Variants in LRMDA observed in about 807,000 individuals in gnomAD.
LRMDA encodes the protein leucine rich melanocyte differentiation associated.
A neutral mutation model predicts 29.8 loss-of-function variants in LRMDA; 18 were observed. The observed-to-expected ratio is 0.60, with a 90% CI of 0.42 to 0.90. LRMDA has a LOEUF of 0.90. Among genes scored for constraint, LRMDA ranks in the 40% least tolerant of loss-of-function variants. LRMDA has a pLI of 0.00. For missense variants in LRMDA, 273 were observed against 273.9 expected (o/e 1.00, Z 0.02); for synonymous variants, 125 against 109.4 (o/e 1.14, Z -0.89).
chr10:75,726,874 A>G (rs1454572547), intron 2 of LRMDA, among the ~76,000 whole-genome samples: 1 of 152,172 alleles, frequency 6.6e-6, no homozygotes, highest in Non-Finnish European at 1.5e-5. Flanking sequence ...TACACTCATG[A>G]TCATTCTTCC....
At chr10:75,728,819 T>G (rs1475417955) in intron 2 of LRMDA, among the ~76,000 whole-genome samples, 3 of 151,624 alleles carry the variant, frequency 2.0e-5, no homozygotes, top group African/African-American at 7.3e-5. Flanking sequence ...GGGGGTTGAG[T>G]GTATACTTTT....
At chr10:75,626,016 T>C (rs1841245195) in intron 2 of LRMDA, among the ~76,000 whole-genome samples, 1 of 151,430 alleles carries the variant, frequency 6.6e-6, no homozygotes, top group South Asian at 2.1e-4. Context: ...CATGCCTGGC[T>C]ATTTTTTTTT....
chr10:75,521,960 A>G (rs1845366299), intron 2 of LRMDA, among the ~76,000 whole-genome samples: 1 of 152,238 alleles, frequency 6.6e-6, no homozygotes, highest in South Asian at 2.1e-4. Context: ...CTTAGAATAA[A>G]TGAGTAGAGA....
intron 5 of LRMDA, among the ~76,000 whole-genome samples, chr10:76,108,352 G>A (rs1849521865): frequency 6.6e-6 from 1 of 152,138 alleles, no homozygotes; most frequent in South Asian, 2.1e-4. Context: ...GGATTGTGGA[G>A]GGACTTCATA....
At chr10:75,713,526 T>G (rs1363435273) in intron 2 of LRMDA, among the ~76,000 whole-genome samples, 2 of 152,236 alleles carry the variant, frequency 1.3e-5, no homozygotes, top group Non-Finnish European at 2.9e-5. Flanking sequence ...AATTAGTGTT[T>G]TTAAAATTCC....
chr10:76,150,124 C>G (rs139139855), intron 5 of LRMDA, among the ~76,000 whole-genome samples: 1 of 152,300 alleles, frequency 6.6e-6, no homozygotes, highest in East Asian at 1.9e-4. Flanking sequence ...TGCCAACCAG[C>G]GGCAAACCCT....
intron 2 of LRMDA, among the ~76,000 whole-genome samples, chr10:75,484,578 T>A (rs3012060): frequency 0.9 from 136,767 of 152,234 alleles, 61,591 homozygotes; most frequent in African/African-American, 0.96. Flanking sequence ...CAAAATCCAT[T>A]TGTTGAAGCC....
chr10:75,635,059 A>T (rs186223940), intron 2 of LRMDA, among the ~76,000 whole-genome samples: 1 of 152,168 alleles, frequency 6.6e-6, no homozygotes, highest in Non-Finnish European at 1.5e-5. Flanking sequence ...TTTAAGAGAA[A>T]TGTGAGAAAT....
At chr10:76,067,999 G>A (rs1201559254) in intron 5 of LRMDA, among the ~76,000 whole-genome samples, 1 of 152,252 alleles carries the variant, frequency 6.6e-6, no homozygotes, top group Non-Finnish European at 1.5e-5. Context: ...CAAGAAGGGG[G>A]CAGGCAGAGG....
intron 2 of LRMDA, among the ~76,000 whole-genome samples, chr10:75,950,327 T>G (rs898412675): frequency 2.0e-5 from 3 of 152,228 alleles, no homozygotes; most frequent in Non-Finnish European, 4.4e-5. Flanking sequence ...TGCCTTCAGC[T>G]TCCCTGTCCT....
At chr10:75,882,211 T>C (rs887943772) in intron 2 of LRMDA, among the ~76,000 whole-genome samples, 1 of 152,142 alleles carries the variant, frequency 6.6e-6, no homozygotes, top group Non-Finnish European at 1.5e-5. Flanking sequence ...GGTCAGTTAA[T>C]GGAAGGCCTC....
At chr10:76,406,564 A>T (rs1307957030) in intron 6 of LRMDA, among the ~76,000 whole-genome samples, 3 of 152,168 alleles carry the variant, frequency 2.0e-5, no homozygotes, top group African/African-American at 7.2e-5. Context: ...CCTCCTGAAG[A>T]GGTGAAAAGG....
chr10:76,016,642 C>T (rs1265448315), intron 2 of LRMDA, among the ~76,000 whole-genome samples: 1 of 152,198 alleles, frequency 6.6e-6, no homozygotes, highest in African/African-American at 2.4e-5. Flanking sequence ...TATTCACTTA[C>T]CTCTAGGTTC....
intron 6 of LRMDA, among the ~76,000 whole-genome samples, chr10:76,537,328 T>A (rs1843302017): frequency 6.6e-6 from 1 of 152,220 alleles, no homozygotes; most frequent in South Asian, 2.1e-4. Flanking sequence ...ACACACACAG[T>A]CATATGTGTA....
At chr10:75,951,916 T>C (rs1305950525) in intron 2 of LRMDA, among the ~76,000 whole-genome samples, 2 of 152,216 alleles carry the variant, frequency 1.3e-5, no homozygotes, top group Admixed American at 6.5e-5. Flanking sequence ...GGAGGGACTT[T>C]CTGGGGGACG....
At chr10:76,151,895 AT>A (rs1401390794) in intron 5 of LRMDA, among the ~76,000 whole-genome samples, 1 of 152,174 alleles carries the variant, frequency 6.6e-6, no homozygotes, top group Non-Finnish European at 1.5e-5. Context: ...ATTACACTAT[AT>A]AGGACCTCCA....
chr10:75,539,228 A>AT (rs1444629570), intron 2 of LRMDA, among the ~76,000 whole-genome samples: 2 of 152,202 alleles, frequency 1.3e-5, no homozygotes, highest in Admixed American at 6.5e-5. Context: ...TGAAAACTGG[A>AT]GATGGAGACC....
chr10:75,674,004 G>A (rs1327501748), intron 2 of LRMDA, among the ~76,000 whole-genome samples: 1 of 152,224 alleles, frequency 6.6e-6, no homozygotes, highest in Non-Finnish European at 1.5e-5. Flanking sequence ...AAAGTCTGGG[G>A]ATAAAGCAAA....
At chr10:76,043,052 G>A (rs1351849926) in intron 3 of LRMDA, among the ~76,000 whole-genome samples, 1 of 152,048 alleles carries the variant, frequency 6.6e-6, no homozygotes, top group Non-Finnish European at 1.5e-5. Flanking sequence ...AACCCAGGAG[G>A]CAGAGGTTGC....
Sources: gnomAD v4.1 joint callset for allele counts (sites outside exome capture counted in the v4.1 genomes callset) on GRCh38, gnomAD v4.1.1 for gene constraint, MANE v1.5 for transcripts, NCBI Gene and HGNC (gene_info 2026-07-23, HGNC 2026-07-21) for gene names.